PIWIL4: variants seen among roughly 807,000 people sequenced by gnomAD.
The protein encoded by PIWIL4 is piwi-like protein 4.
PIWIL4 carries 50 observed loss-of-function variants against 100.9 expected under a neutral mutation model. That is an observed-to-expected ratio of 0.50 (90% CI 0.39 to 0.63). PIWIL4 has a LOEUF of 0.63. PIWIL4 is among the 20% of genes least tolerant of loss of function. PIWIL4 has a pLI of 0.00. For missense variants in PIWIL4, 887 were observed against 1,043.3 expected, an observed-to-expected ratio of 0.85 and a Z score of 2.06; for synonymous variants, 342 against 367.5, an observed-to-expected ratio of 0.93 and a Z score of 0.79.
chr11:94,608,491 C>A, intron 14 of PIWIL4, 92 bp from the exon 15 acceptor site: 1 of 1,033,020 alleles, frequency 9.7e-7, no homozygotes, highest in Non-Finnish European at 1.5e-6. Context: ...AATTCAGTAA[C>A]TGGAGTCTGT....
chr11:94,567,371 T>G lies in PIWIL4; in HGVS notation c.-148T>G. 3 of 700,708 alleles carry G rather than the reference T, an allele frequency of 4.3e-6. No homozygotes were observed. Among genetic ancestry groups the G allele is most frequent in the South Asian group, 2.5e-5 (1 of 40,774 alleles). The allele number at this position is 700,708 out of a possible 1,614,324, so 43.4% of individuals were successfully genotyped here. On this transcript the variant is annotated 5_prime_UTR_variant, in exon 1 of 20. Transcript: ENST00000299001. The stretch of plus-strand genomic sequence containing the variant: ...CACCCACGCACGGGCCTCGGACGCA[T>G]TTCCAGCCCCGGCGTTGGTTGTGGA...
intron 3 of PIWIL4, among the ~76,000 whole-genome samples, chr11:94,576,877 A>G (rs1353359692): frequency 6.6e-6 from 1 of 152,250 alleles, no homozygotes; most frequent in Non-Finnish European, 1.5e-5. Context: ...GTATATTCAT[A>G]GTAAGAACCA....
intron 7 of PIWIL4, among the ~76,000 whole-genome samples, chr11:94,587,915 AGCTCACATATACT>A (rs1948425388): frequency 1.8e-5 from 2 of 108,578 alleles, no homozygotes; most frequent in African/African-American, 1.1e-4. Flanking sequence ...AGTACTAAAA[AGCTCACATATACT>A]GCTGCTAGTC....
intron 4 of PIWIL4, among the ~76,000 whole-genome samples, chr11:94,580,526 C>A (rs1948296894): frequency 6.6e-6 from 1 of 152,178 alleles, no homozygotes; most frequent in South Asian, 2.1e-4. Context: ...ATTTGCCACT[C>A]TCATATACTT....
chr11:94,589,173 A>G lies in PIWIL4; in HGVS notation c.967A>G (p.Thr323Ala), dbSNP rs755422973. The change falls in exon 8 of 20, where the codon ACA (threonine) becomes GCA (alanine). Residue 323 changes from threonine (T) to alanine (A), a missense_variant. Physicochemically the swap from Thr to Ala is moderately conservative, Grantham distance 58. Transcript: ENST00000299001. ...TGACATTGACTGGTCAGTGAAGCCC[A>G]CACACACCTTTCAGAAGCGGGATGG... ...IDDIDWSVKP[T>A]HTFQKRDGTE... 12 of 1,613,166 alleles carry G rather than the reference A, an allele frequency of 7.4e-6. No individual in the cohort carries two copies. The East Asian group carries it at 2.7e-4, about 36-fold the overall frequency.
In PIWIL4 at chr11:94,619,751, A is replaced by C; in HGVS notation, c.2169-9A>C. On this transcript the variant is annotated splice_polypyrimidine_tract_variant and intron_variant, in intron 17 of 19. Transcript: ENST00000299001. ...AGTTCTTTTCATATTTTGCCTCTCTAATTTTTAGCTCAAGACTGTCGGTGA... is the reference window on the plus strand; with the variant it reads ...AGTTCTTTTCATATTTTGCCTCTCTCATTTTTAGCTCAAGACTGTCGGTGA... The C allele has an allele frequency of 1.2e-6, 2 of 1,608,502 alleles. No individual in the cohort carries two copies. Among genetic ancestry groups the C allele is most frequent in the East Asian group, 2.2e-5 (1 of 44,844 alleles).
At chr11:94,597,724 C>A in intron 10 of PIWIL4, 80 bp from the exon 11 acceptor site, 1 of 957,724 alleles carries the variant, frequency 1.0e-6, no homozygotes, top group Non-Finnish European at 1.6e-6. Flanking sequence ...ATCCTGAAGA[C>A]ACAGAAAATC....
In PIWIL4 at chr11:94,583,568, A is replaced by G. The variant is rs1948356406; in HGVS notation, c.634A>G (p.Lys212Glu). The G allele has an allele frequency of 6.2e-7, 1 of 1,613,864 alleles. No homozygotes were observed. Among genetic ancestry groups the G allele is most frequent in the African/African-American group, 1.3e-5 (1 of 74,932 alleles). The change falls in exon 5 of 20, where the codon AAG becomes GAG. Residue 212 changes from lysine (K) to glutamate (E), a missense_variant and splice_region_variant. Lys to Glu is a moderately conservative substitution (Grantham distance 56). Coordinates refer to ENST00000299001, the MANE Select transcript of PIWIL4 (RefSeq NM_152431.3). Reference protein sequence around the residue: ...CIQVFNIIFRKILKKLSMYQI... With the variant: ...CIQVFNIIFREILKKLSMYQI... ...CCAGGTCTTCAATATCATCTTCAGA[A>G]AGTAAGGCACTGGAAATGTGAATTT...
At chr11:94,616,592 C>G (rs1177380272) in intron 16 of PIWIL4, 29 bp downstream of exon 16, 2 of 1,542,018 alleles carry the variant, frequency 1.3e-6, no homozygotes, top group African/African-American at 2.8e-5. Flanking sequence ...TGTGGGTGGG[C>G]TCCAAGGACT....
chr11:94,585,751 A>G lies in PIWIL4; in HGVS notation c.716+226A>G, dbSNP rs59526804. ...GTGATAGATAATTATCACAAATCCTAGAAGGAATTCAGAAACTGAATTTTC... is the reference window on the plus strand; with the variant it reads ...GTGATAGATAATTATCACAAATCCTGGAAGGAATTCAGAAACTGAATTTTC... On this transcript the variant is annotated intron_variant, in intron 6 of 19. Transcript: ENST00000299001. Among the ~76,000 whole-genome samples the G allele has an allele frequency of 7.9e-3, 1,199 of 152,318 alleles. 15 individuals are homozygous for G. The highest frequency in any genetic ancestry group is 0.027 in the African/African-American group (1,114 of 41,568).
chr11:94,583,826 C>T (rs1046013326), intron 5 of PIWIL4, among the ~76,000 whole-genome samples: 1 of 152,218 alleles, frequency 6.6e-6, no homozygotes, highest in African/African-American at 2.4e-5. Context: ...TGCTGTCTCA[C>T]TGGTAGCAGG....
At chr11:94,595,713 G>T (rs1441450673) in intron 10 of PIWIL4, among the ~76,000 whole-genome samples, 1 of 152,174 alleles carries the variant, frequency 6.6e-6, no homozygotes, top group Non-Finnish European at 1.5e-5. Context: ...AAAGAAAAAG[G>T]TTATAATCTA....
At chr11:94,589,809 C>T (rs1948458277) in intron 8 of PIWIL4, among the ~76,000 whole-genome samples, 1 of 152,178 alleles carries the variant, frequency 6.6e-6, no homozygotes, top group Non-Finnish European at 1.5e-5. Flanking sequence ...TGTCTCAGGT[C>T]ATCACAGGCA....
At chr11:94,611,708 C>T (rs764015717) in intron 15 of PIWIL4, among the ~76,000 whole-genome samples, 1 of 151,890 alleles carries the variant, frequency 6.6e-6, no homozygotes, top group Admixed American at 6.6e-5. Flanking sequence ...TTTAAAAGAG[C>T]CTGGCATGTC....
At chr11:94,578,100 C>A (rs987286666) in intron 4 of PIWIL4, among the ~76,000 whole-genome samples, 5 of 152,092 alleles carry the variant, frequency 3.3e-5, no homozygotes, top group African/African-American at 1.2e-4. Flanking sequence ...TTGCCATGAC[C>A]TTTGCTCTTG....
chr11:94,593,467 C>G (rs1948514191), intron 8 of PIWIL4, 51 bp from the exon 9 acceptor site: 1 of 1,576,348 alleles, frequency 6.3e-7, no homozygotes. Flanking sequence ...GGATGCTCAC[C>G]TGGCGGTGCT....
chr11:94,577,618 G>C (rs1001103570), intron 4 of PIWIL4, 126 bp downstream of exon 4: 5 of 830,278 alleles, frequency 6.0e-6, no homozygotes, highest in Non-Finnish European at 8.7e-6. Flanking sequence ...GAATTAAAAG[G>C]TAAGAATTTA....
chr11:94,580,890 CTT>C (rs956802836), intron 4 of PIWIL4, among the ~76,000 whole-genome samples: 914 of 78,946 alleles, frequency 0.012, 5 homozygotes, highest in African/African-American at 0.047. Context: ...CTCTGCCAGG[CTT>C]TTTTTTTTTT....
At position 94,584,406 on chromosome 11, in the gene PIWIL4, TCAGATGTCTTGTC is replaced by T. The variant is rs1172422048; in HGVS notation, c.635+841_635+853del. On this transcript the variant is annotated intron_variant, in intron 5 of 19. Transcript: ENST00000299001. Reference sequence around the variant, plus strand: ...CAGATGTCCTAATTCCTAATTCCAGTCAGATGTCTTGTCCAGCACCTTTTGGTCATATCTGAGC... The same window carrying T: ...CAGATGTCCTAATTCCTAATTCCAGTCAGCACCTTTTGGTCATATCTGAGC... Among the ~76,000 whole-genome samples the T allele has an allele frequency of 2.0e-5, 3 of 152,298 alleles. No individual in the cohort carries two copies. The East Asian group carries it at 5.8e-4, about 29-fold the overall frequency.
Sources: allele counts gnomAD v4.1 joint callset (sites outside exome capture counted in the v4.1 genomes callset), GRCh38; gene constraint gnomAD v4.1.1; transcripts MANE v1.5; gene names NCBI Gene and HGNC (gene_info 2026-07-23, HGNC 2026-07-21).